Variants in HGSNAT observed in about 807,000 individuals in gnomAD.
The protein encoded by HGSNAT is transmembrane protein 76.
A neutral mutation model predicts 85.2 loss-of-function variants in HGSNAT; 59 were observed. That is an observed-to-expected ratio of 0.69 (90% CI 0.56 to 0.86). The LOEUF is 0.86. HGSNAT is among the 40% of genes least tolerant of loss of function. The pLI is 0.00. For synonymous variants in HGSNAT, 321 were observed against 304.5 expected (o/e 1.05, Z -0.56); for missense variants, 756 against 777.1 (o/e 0.97, Z 0.32).
At chr8:43,146,851 C>A in intron 1 of HGSNAT, 97 bp from the exon 2 acceptor site, 1 of 676,686 alleles carries the variant, frequency 1.5e-6, no homozygotes, top group South Asian at 1.9e-5. Context: ...TTGAGAAGCA[C>A]TACTGGAAGC....
chr8:43,194,002 G>A, intron 14 of HGSNAT, 159 bp downstream of exon 14: 1 of 1,380,658 alleles, frequency 7.2e-7, no homozygotes, highest in Non-Finnish European at 9.4e-7. Context: ...AGAACCAAAA[G>A]TTACTGAAAT....
At chr8:43,181,844 C>T (rs1586739943) in intron 10 of HGSNAT, 1 of 376,674 alleles carries the variant, frequency 2.7e-6, no homozygotes, top group East Asian at 4.9e-5. Context: ...CTGGCTTTAT[C>T]CCCACACCTG....
intron 2 of HGSNAT, among the ~76,000 whole-genome samples, chr8:43,154,010 G>T (rs953571101): frequency 6.6e-6 from 1 of 152,142 alleles, no homozygotes; most frequent in Non-Finnish European, 1.5e-5. Context: ...TTAAACATGG[G>T]AGTACAAGTA....
chr8:43,179,486 A>G (rs1293413874), intron 10 of HGSNAT, among the ~76,000 whole-genome samples: 1 of 69,770 alleles, frequency 1.4e-5, no homozygotes, highest in African/African-American at 6.2e-5. Context: ...GCCGGCCGGA[A>G]GGGGGGCTGA....
chr8:43,158,066 G>T (rs1228317595), intron 2 of HGSNAT, among the ~76,000 whole-genome samples: 1 of 152,044 alleles, frequency 6.6e-6, no homozygotes, highest in African/African-American at 2.4e-5. Context: ...TATGAAGATT[G>T]TACAATTCCA....
chr8:43,151,321 G>A (rs1802909891), intron 2 of HGSNAT, among the ~76,000 whole-genome samples: 2 of 152,146 alleles, frequency 1.3e-5, no homozygotes, highest in South Asian at 4.1e-4. Context: ...TTTGGGTATG[G>A]TTCTCACCTT....
At chr8:43,195,864 TG>T (rs1221708433) in intron 14 of HGSNAT, 1 of 155,924 alleles carries the variant, frequency 6.4e-6, no homozygotes, top group Non-Finnish European at 1.4e-5. Flanking sequence ...TAAGTGGACC[TG>T]CGCAGTTCAA....
At chr8:43,182,041 G>C (rs1804143431) in intron 10 of HGSNAT, 104 bp from the exon 11 acceptor site, 4 of 839,246 alleles carry the variant, frequency 4.8e-6, no homozygotes, top group Non-Finnish European at 8.2e-6. Flanking sequence ...GACTTACTTA[G>C]ATGCAATATA....
chr8:43,197,878 T>C lies in HGSNAT; in HGVS notation c.1652T>C (p.Phe551Ser). The C allele has an allele frequency of 6.2e-7, 1 of 1,614,002 alleles. No individual in the cohort carries two copies. Among genetic ancestry groups the C allele is most frequent in the Non-Finnish European group, 8.5e-7 (1 of 1,179,872 alleles). Residue 551 changes from phenylalanine (F) to serine (S), a missense_variant, in exon 17 of 18, where the codon TTC becomes TCC. Transcript: ENST00000379644. ...SYVTTLSSFA[F>S]FILLVLYPVV... ...GTCACTACGCTCAGTTCTTTTGCCT[T>C]CTTCATCCTGCTGGTCCTGTACCCA...
chr8:43,141,487 G>C (rs1563350830), intron 1 of HGSNAT, among the ~76,000 whole-genome samples: 1 of 152,160 alleles, frequency 6.6e-6, no homozygotes, highest in Non-Finnish European at 1.5e-5. Flanking sequence ...CTAGACCCCT[G>C]CACCGGGGAG....
intron 1 of HGSNAT, among the ~76,000 whole-genome samples, chr8:43,142,067 T>C (rs577831861): frequency 3.5e-4 from 54 of 152,114 alleles, no homozygotes; most frequent in African/African-American, 1.3e-3. Context: ...AATTCAGCAT[T>C]TGCTTGAAGA....
rs1042746965 is a variant in HGSNAT at position 43,140,647 on chromosome 8, G to C, written c.118+33G>C. 2.8e-5 allele frequency: 31 copies of C among 1,094,482 alleles called. No individual in the cohort carries two copies. The East Asian group carries it at 1.1e-3, about 40-fold the overall frequency. 67.8% of individuals were successfully genotyped at this position (1,094,482 alleles called of 1,614,324 possible). ...CACACCTCCTACCGCCGCCCGGCCG[G>C]CTACGAGCGCAGCGTCTCCTCTCCG... is the stretch of plus-strand genomic sequence containing the variant. On this transcript the variant is annotated intron_variant, in intron 1 of 17. Transcript: ENST00000379644.
At chr8:43,153,920 T>C (rs1453788803) in intron 2 of HGSNAT, among the ~76,000 whole-genome samples, 1 of 152,362 alleles carries the variant, frequency 6.6e-6, no homozygotes, top group East Asian at 1.9e-4. Flanking sequence ...TGTGAATATA[T>C]TGCACATTTC....
chr8:43,189,225 C>T (rs1368137220), intron 11 of HGSNAT, among the ~76,000 whole-genome samples: 2 of 152,294 alleles, frequency 1.3e-5, no homozygotes, highest in South Asian at 2.1e-4. Flanking sequence ...ATGCCCTGCC[C>T]CCAGAGGTGG....
intron 2 of HGSNAT, among the ~76,000 whole-genome samples, 160 bp downstream of exon 2, chr8:43,147,223 G>T (rs1481483204): frequency 1.3e-5 from 2 of 152,156 alleles, no homozygotes; most frequent in African/African-American, 2.4e-5. Context: ...GTCAGGGGAG[G>T]ATGCCTAGGA....
chr8:43,179,230 C>A (rs1229823514), intron 10 of HGSNAT, among the ~76,000 whole-genome samples: 1 of 151,068 alleles, frequency 6.6e-6, no homozygotes, highest in Non-Finnish European at 1.5e-5. Flanking sequence ...GGCGGCTGGC[C>A]GGGCGGGGGC....
intron 5 of HGSNAT, 64 bp downstream of exon 5, chr8:43,161,571 G>C (rs1803270007): frequency 2.4e-6 from 3 of 1,259,688 alleles, no homozygotes; most frequent in African/African-American, 1.5e-5. Context: ...TTCAGAAGGG[G>C]CAGCTGTCAC....
chr8:43,183,489 G>C (rs1278010565), intron 11 of HGSNAT, among the ~76,000 whole-genome samples: 4 of 145,408 alleles, frequency 2.8e-5, no homozygotes, highest in African/African-American at 1.0e-4. Flanking sequence ...TTTTTCTTTT[G>C]AGAGGGAGTC....
intron 5 of HGSNAT, chr8:43,167,901 G>T (rs1803481439): frequency 7.5e-6 from 2 of 265,756 alleles, no homozygotes; most frequent in Non-Finnish European, 1.5e-5. Context: ...ATGTTATCTG[G>T]ATATCTTTCT....
Sources: allele counts gnomAD v4.1 joint callset (sites outside exome capture counted in the v4.1 genomes callset), GRCh38; gene constraint gnomAD v4.1.1; transcripts MANE v1.5; gene names NCBI Gene and HGNC (gene_info 2026-07-23, HGNC 2026-07-21).